SLC35F1: variants seen among roughly 807,000 people sequenced by gnomAD.
SLC35F1 encodes chromosome 6 open reading frame 169.
Under a neutral mutation model 48.7 loss-of-function variants are expected in SLC35F1, and 14 were observed. The ratio of observed to expected loss-of-function variants is 0.29; its 90% CI spans 0.19 to 0.45. The LOEUF (loss-of-function observed/expected upper bound fraction) is 0.45, where lower values mean the gene tolerates loss of function less well. SLC35F1 is among the 20% of genes least tolerant of loss of function. The pLI is 1.00. For missense variants in SLC35F1, 404 were observed against 500.0 expected (o/e 0.81, Z 1.83); for synonymous variants, 190 against 202.2 (o/e 0.94, Z 0.51).
At chr6:118,143,711 A>C (rs533481782) in intron 1 of SLC35F1, among the ~76,000 whole-genome samples, 1 of 152,328 alleles carries the variant, frequency 6.6e-6, no homozygotes, top group East Asian at 1.9e-4. Context: ...GGTACTTCCA[A>C]ATATACTTAA....
chr6:118,183,134 T>G (rs972557394), intron 2 of SLC35F1, among the ~76,000 whole-genome samples: 4 of 152,212 alleles, frequency 2.6e-5, no homozygotes, highest in African/African-American at 9.6e-5. Context: ...TCTAGATGTC[T>G]TGAAATACCA....
chr6:118,076,064 A>G (rs1199828912), intron 1 of SLC35F1, among the ~76,000 whole-genome samples: 1 of 152,152 alleles, frequency 6.6e-6, no homozygotes, highest in East Asian at 1.9e-4. Flanking sequence ...GGAAAAAAAA[A>G]CAAAACAGAA....
intron 2 of SLC35F1, among the ~76,000 whole-genome samples, chr6:118,209,170 C>T (rs2114546089): frequency 6.6e-6 from 1 of 152,348 alleles, no homozygotes; most frequent in Non-Finnish European, 1.5e-5. Context: ...TTCTGCATAG[C>T]TGCCCTTTCT....
intron 1 of SLC35F1, among the ~76,000 whole-genome samples, chr6:117,966,128 ACCGCCCCCCCCCCCACTC>A (rs1776561133): frequency 5.8e-5 from 1 of 17,216 alleles, no homozygotes; most frequent in Non-Finnish European, 1.5e-4. Context: ...AAAGCAGGCC[ACCGCCCCCCCCCCCACTC>A]CCGCCCCGCC....
chr6:118,168,126 C>T (rs1201375598), intron 2 of SLC35F1, among the ~76,000 whole-genome samples: 2 of 152,164 alleles, frequency 1.3e-5, no homozygotes, highest in African/African-American at 2.4e-5. Context: ...CTTCCAGTCC[C>T]TGCGCTGTCT....
intron 1 of SLC35F1, among the ~76,000 whole-genome samples, chr6:117,927,794 G>T (rs1776048490): frequency 6.6e-6 from 1 of 152,176 alleles, no homozygotes; most frequent in Admixed American, 6.5e-5. Context: ...TTCTGCCAGG[G>T]CATAGACACA....
intron 2 of SLC35F1, among the ~76,000 whole-genome samples, chr6:118,218,283 A>C (rs942777651): frequency 2.0e-5 from 3 of 152,182 alleles, no homozygotes. Context: ...GGAATTAGTA[A>C]TGTGAGAAGC....
intron 1 of SLC35F1, among the ~76,000 whole-genome samples, chr6:118,071,699 C>A (rs563534584): frequency 2.5e-4 from 38 of 152,286 alleles, no homozygotes; most frequent in Non-Finnish European, 4.6e-4. Context: ...TGGCTCTACA[C>A]TGTATTATAT....
At chr6:118,084,348 G>A (rs192201991) in intron 1 of SLC35F1, among the ~76,000 whole-genome samples, 12 of 152,124 alleles carry the variant, frequency 7.9e-5, no homozygotes, top group African/African-American at 2.9e-4. Flanking sequence ...AAATTGGAAT[G>A]GATATTTTAA....
At chr6:118,210,727 C>T (rs1774991488) in intron 2 of SLC35F1, among the ~76,000 whole-genome samples, 1 of 152,290 alleles carries the variant, frequency 6.6e-6, no homozygotes, top group South Asian at 2.1e-4. Context: ...CCTGTTGTGT[C>T]TCCTTGACTC....
At chr6:118,166,303 G>A (rs139837544) in intron 2 of SLC35F1, among the ~76,000 whole-genome samples, 1 of 152,256 alleles carries the variant, frequency 6.6e-6, no homozygotes, top group East Asian at 1.9e-4. Flanking sequence ...CATGAATGGA[G>A]CTGTTGCTCA....
intron 1 of SLC35F1, among the ~76,000 whole-genome samples, chr6:117,977,059 T>C (rs1347342997): frequency 6.6e-6 from 1 of 152,214 alleles, no homozygotes; most frequent in African/African-American, 2.4e-5. Context: ...TGCTTTTCCA[T>C]TTTCTACACT....
chr6:118,063,833 A>T (rs1193216687), intron 1 of SLC35F1, among the ~76,000 whole-genome samples: 1 of 152,214 alleles, frequency 6.6e-6, no homozygotes, highest in Non-Finnish European at 1.5e-5. Flanking sequence ...TTTTGGAATA[A>T]TTTTGTTGAA....
intron 1 of SLC35F1, among the ~76,000 whole-genome samples, chr6:118,034,522 C>A (rs1389972142): frequency 3.3e-5 from 5 of 152,050 alleles, no homozygotes; most frequent in African/African-American, 4.8e-5. Context: ...TGCGACACTG[C>A]ACTCCAGCCT....
At chr6:118,022,348 C>T (rs528231933) in intron 1 of SLC35F1, among the ~76,000 whole-genome samples, 1 of 152,196 alleles carries the variant, frequency 6.6e-6, no homozygotes, top group Non-Finnish European at 1.5e-5. Flanking sequence ...TGTGAACAGA[C>T]TCAAAATCAA....
chr6:118,253,953 A>G (rs1437981528), intron 3 of SLC35F1, among the ~76,000 whole-genome samples: 1 of 151,890 alleles, frequency 6.6e-6, no homozygotes, highest in Non-Finnish European at 1.5e-5. Flanking sequence ...CAGGACTTGT[A>G]TGGTGAAGGA....
chr6:117,918,303 T>TA (rs1358299948), intron 1 of SLC35F1, among the ~76,000 whole-genome samples: 1 of 151,402 alleles, frequency 6.6e-6, no homozygotes. Flanking sequence ...AGGAGTGAGA[T>TA]AAAGGAAGGA....
chr6:118,270,416 T>C (rs1476971337), intron 4 of SLC35F1, among the ~76,000 whole-genome samples: 1 of 152,178 alleles, frequency 6.6e-6, no homozygotes, highest in African/African-American at 2.4e-5. Flanking sequence ...TTTCCCACTC[T>C]AGACAGAGGT....
At chr6:118,026,970 C>T (rs73521538) in intron 1 of SLC35F1, among the ~76,000 whole-genome samples, 2,918 of 152,182 alleles carry the variant, frequency 0.019, 99 homozygotes, top group African/African-American at 0.067. Context: ...CTTTTGTTGT[C>T]ATTGCCTTCT....
Sources: allele counts gnomAD v4.1 joint callset (sites outside exome capture counted in the v4.1 genomes callset), GRCh38; gene constraint gnomAD v4.1.1; transcripts MANE v1.5; gene names NCBI Gene and HGNC (gene_info 2026-07-23, HGNC 2026-07-21).